Variants in PEX14 observed in about 807,000 individuals in gnomAD.
PEX14 encodes peroxisomal biogenesis factor 14, also known as peroxisomal membrane protein PEX14.
A neutral mutation model predicts 49.5 loss-of-function variants in PEX14; 15 were observed. That is an observed-to-expected ratio of 0.30 (90% confidence interval 0.20 to 0.47). PEX14 has a LOEUF of 0.47. Among genes scored for constraint, PEX14 ranks in the 20% least tolerant of loss-of-function variants. The pLI, the probability that PEX14 is intolerant of heterozygous loss-of-function variation, is 1.00. For missense variants in PEX14, 398 were observed against 494.8 expected (o/e 0.80, Z 1.86); for synonymous variants, 210 against 212.7 (o/e 0.99, Z 0.11).
At chr1:10,567,296 C>T (rs1217437794) in intron 3 of PEX14, among the ~76,000 whole-genome samples, 1 of 152,136 alleles carries the variant, frequency 6.6e-6, no homozygotes, top group African/African-American at 2.4e-5. Context: ...GAAGCTTTAT[C>T]CTATGTTAAC....
intron 2 of PEX14, among the ~76,000 whole-genome samples, chr1:10,526,522 T>C (rs559036634): frequency 1.7e-4 from 26 of 152,170 alleles, no homozygotes; most frequent in Non-Finnish European, 3.5e-4. Context: ...TTGACTGCAT[T>C]ATGAATTACA....
intron 2 of PEX14, among the ~76,000 whole-genome samples, chr1:10,526,166 C>T (rs1405608184): frequency 1.3e-5 from 2 of 151,636 alleles, no homozygotes; most frequent in East Asian, 2.0e-4. Context: ...GTGATCCGCC[C>T]GCCTCAGCCT....
In PEX14 at chr1:10,627,234, A is replaced by G. The variant is rs762234016; in HGVS notation, c.586-38A>G. 3.4e-6 allele frequency: 5 copies of G among 1,475,976 alleles called. No homozygotes were observed. The African/African-American group carries it at 5.5e-5, about 16-fold the overall frequency. 91.4% of individuals were successfully genotyped at this position (1,475,976 alleles called of 1,614,324 possible). On this transcript the variant is annotated intron_variant, in intron 7 of 8. Transcript: ENST00000356607. Reference sequence around the variant, plus strand: ...AGCCGCAGGCCCCGCCCGTGCCGCAAGGCGCCCGCCCTGAGCCTCCCTGTG... The same window carrying G: ...AGCCGCAGGCCCCGCCCGTGCCGCAGGGCGCCCGCCCTGAGCCTCCCTGTG...
At chr1:10,538,047 T>C (rs1219916305) in intron 3 of PEX14, among the ~76,000 whole-genome samples, 2 of 152,232 alleles carry the variant, frequency 1.3e-5, no homozygotes, top group Non-Finnish European at 2.9e-5. Flanking sequence ...ATCAGGAATT[T>C]AGCAGAGAAC....
intron 1 of PEX14, among the ~76,000 whole-genome samples, chr1:10,476,754 G>A (rs1641202868): frequency 6.6e-6 from 1 of 152,062 alleles, no homozygotes; most frequent in South Asian, 2.1e-4. Flanking sequence ...GCCTCCCAAA[G>A]TGCTGAGATT....
intron 4 of PEX14, among the ~76,000 whole-genome samples, chr1:10,612,187 A>G (rs1238628532): frequency 6.6e-6 from 1 of 152,150 alleles, no homozygotes; most frequent in Non-Finnish European, 1.5e-5. Context: ...GTGAGAGTCA[A>G]GGTTCATTTT....
chr1:10,601,755 T>G (rs1640991287), intron 4 of PEX14, among the ~76,000 whole-genome samples: 1 of 152,228 alleles, frequency 6.6e-6, no homozygotes, highest in Admixed American at 6.5e-5. Context: ...TGTAGTTGCT[T>G]TGGGTCCTAA....
chr1:10,606,348 C>T (rs548089913), intron 4 of PEX14, among the ~76,000 whole-genome samples: 1 of 152,368 alleles, frequency 6.6e-6, no homozygotes, highest in Non-Finnish European at 1.5e-5. Flanking sequence ...AGGCTGCCTT[C>T]TAAGGACACC....
intron 5 of PEX14, among the ~76,000 whole-genome samples, chr1:10,622,558 C>T: frequency 6.6e-6 from 1 of 152,172 alleles, no homozygotes; most frequent in South Asian, 2.1e-4. Flanking sequence ...GTGATTCACT[C>T]ACAGGTTCAA....
chr1:10,613,946 C>G lies in PEX14; in HGVS notation c.299-4386C>G, dbSNP rs1213233028. ...AGCTAGAGAAGAGTGACTGCCCCATCTCCTGCCCTTGTCTTTATACCTCCG... is the reference window on the plus strand; with the variant it reads ...AGCTAGAGAAGAGTGACTGCCCCATGTCCTGCCCTTGTCTTTATACCTCCG... On this transcript the variant is annotated intron_variant, in intron 4 of 8. Coordinates refer to ENST00000356607, the MANE Select transcript of PEX14 (RefSeq NM_004565.3). This position sits in a 1 kb window ranked among gnomAD's most constrained non-coding sequence, Gnocchi z 5.0. Among the ~76,000 whole-genome samples the G allele has an allele frequency of 6.6e-6, 1 of 152,252 alleles. No individual in the cohort carries two copies. The highest frequency in any genetic ancestry group is 1.9e-4 in the East Asian group (1 of 5,198).
chr1:10,499,540 C>T (rs1641630848), intron 2 of PEX14, among the ~76,000 whole-genome samples: 1 of 149,872 alleles, frequency 6.7e-6, no homozygotes, highest in African/African-American at 2.5e-5. Context: ...CCTCCACCTC[C>T]CGGGTTCAAG....
chr1:10,552,306 G>T (rs1208312338), intron 3 of PEX14, among the ~76,000 whole-genome samples: 2 of 152,092 alleles, frequency 1.3e-5, no homozygotes, highest in Non-Finnish European at 2.9e-5. Flanking sequence ...GCTGGGCATG[G>T]TGGCGGACGC....
At chr1:10,519,151 C>CT (rs1443740985) in intron 2 of PEX14, among the ~76,000 whole-genome samples, 1 of 152,138 alleles carries the variant, frequency 6.6e-6, no homozygotes, top group Non-Finnish European at 1.5e-5. Context: ...GGGCCTCCCC[C>CT]TAACACCCCC....
chr1:10,626,100 A>T (rs1038305080), intron 7 of PEX14, among the ~76,000 whole-genome samples: 6 of 152,260 alleles, frequency 3.9e-5, no homozygotes, highest in Non-Finnish European at 7.3e-5. Flanking sequence ...TTAAGTAATT[A>T]AAAAACCTAC....
chr1:10,544,502 CT>C (rs1639110216), intron 3 of PEX14, among the ~76,000 whole-genome samples: 2 of 152,014 alleles, frequency 1.3e-5, no homozygotes, highest in African/African-American at 4.8e-5. Context: ...CTCAGGGTTG[CT>C]TTTTTTGTGT....
chr1:10,589,643 G>A (rs1408161046), intron 3 of PEX14, among the ~76,000 whole-genome samples: 1 of 152,084 alleles, frequency 6.6e-6, no homozygotes, highest in African/African-American at 2.4e-5. Context: ...AAACTCCTGG[G>A]CTCAAGCAGT....
At chr1:10,506,084 G>A (rs1184975339) in intron 2 of PEX14, among the ~76,000 whole-genome samples, 2 of 152,128 alleles carry the variant, frequency 1.3e-5, no homozygotes, top group African/African-American at 2.4e-5. Flanking sequence ...CCAACTTGCT[G>A]TTTGGGTCCC....
chr1:10,487,880 A>T (rs1257701204), intron 1 of PEX14, among the ~76,000 whole-genome samples: 1 of 151,766 alleles, frequency 6.6e-6, no homozygotes, highest in African/African-American at 2.4e-5. Context: ...TCCTGGGTTC[A>T]AGGGATTCTT....
Position 10,610,634 on chromosome 1 carries a change from C to A in PEX14, c.299-7698C>A, listed in dbSNP as rs760871499. 1.6e-4 allele frequency among the ~76,000 whole-genome samples: 24 copies of A among 151,948 alleles called. 1 individual carries two copies. The highest frequency in any genetic ancestry group is 5.6e-4 in the African/African-American group (23 of 41,360). On this transcript the variant is annotated intron_variant, in intron 4 of 8. Coordinates refer to ENST00000356607, the MANE Select transcript of PEX14 (RefSeq NM_004565.3). Reference sequence around the variant, plus strand: ...CCGAGTAGCTGGGATTATAGGCATGCGCTACCACGCCTGGATAATTTTGTA... The same window carrying A: ...CCGAGTAGCTGGGATTATAGGCATGAGCTACCACGCCTGGATAATTTTGTA...
Sources: allele counts gnomAD v4.1 joint callset (sites outside exome capture counted in the v4.1 genomes callset), GRCh38; gene constraint gnomAD v4.1.1; non-coding constraint Gnocchi (gnomAD v3.1); transcripts MANE v1.5; gene names NCBI Gene and HGNC (gene_info 2026-07-23, HGNC 2026-07-21).